SPIRE1: variants seen among roughly 807,000 people sequenced by gnomAD.
SPIRE1 encodes spire type actin nucleation factor 1.
A neutral mutation model predicts 94.1 loss-of-function variants in SPIRE1; 40 were observed. The observed-to-expected ratio is 0.43, with a 90% confidence interval of 0.33 to 0.55. The LOEUF is 0.55. Among genes scored for constraint, SPIRE1 ranks in the 20% least tolerant of loss-of-function variants. SPIRE1 has a pLI of 0.06. For synonymous variants in SPIRE1, 376 were observed against 371.7 expected, an observed-to-expected ratio of 1.01 and a Z score of -0.13; for missense variants, 838 against 975.2, an observed-to-expected ratio of 0.86 and a Z score of 1.87.
chr18:12,587,645 T>G (rs111989618), intron 2 of SPIRE1, among the ~76,000 whole-genome samples: 2,229 of 152,212 alleles, frequency 0.015, 64 homozygotes, highest in African/African-American at 0.051. Context: ...ACTCCACATT[T>G]TTAACAACTC....
intron 16 of SPIRE1, chr18:12,451,072 GAAA>G: frequency 3.3e-5 from 9 of 271,676 alleles, no homozygotes; most frequent in South Asian, 9.8e-5. Context: ...CTGTCCATTT[GAAA>G]AAAAAAAAAG....
intron 2 of SPIRE1, among the ~76,000 whole-genome samples, chr18:12,601,016 C>T (rs1281592011): frequency 6.6e-6 from 1 of 152,150 alleles, no homozygotes; most frequent in Admixed American, 6.5e-5. Flanking sequence ...GCCACTTTGC[C>T]TGGCCCATTA....
intron 12 of SPIRE1, among the ~76,000 whole-genome samples, chr18:12,456,435 C>A (rs1362336810): frequency 6.6e-6 from 1 of 152,176 alleles, no homozygotes; most frequent in Non-Finnish European, 1.5e-5. Flanking sequence ...TATTTTTATT[C>A]ATCAGTGATG....
intron 3 of SPIRE1, among the ~76,000 whole-genome samples, chr18:12,539,863 G>A (rs185733475): frequency 9.8e-4 from 148 of 151,258 alleles, no homozygotes; most frequent in Non-Finnish European, 1.8e-3. Context: ...GGAGGTGGAG[G>A]CTGCAGTGAG....
At chr18:12,449,934 T>C (rs2031144347) in intron 16 of SPIRE1, 38 bp from the exon 17 acceptor site, 1 of 1,588,736 alleles carries the variant, frequency 6.3e-7, no homozygotes, top group Non-Finnish European at 8.6e-7. Flanking sequence ...GCATTGTTAC[T>C]TATAGGTCTG....
chr18:12,532,751 G>A (rs2034720757), intron 4 of SPIRE1, among the ~76,000 whole-genome samples: 1 of 152,222 alleles, frequency 6.6e-6, no homozygotes, highest in South Asian at 2.1e-4. Context: ...ATCATTTCAA[G>A]AAAACCTTAT....
chr18:12,546,572 G>C (rs918121389), intron 3 of SPIRE1, 102 bp downstream of exon 3: 4 of 885,584 alleles, frequency 4.5e-6, no homozygotes, highest in Non-Finnish European at 7.4e-6. Flanking sequence ...CTGCACTCTA[G>C]CCTGGGCGAC....
intron 16 of SPIRE1, chr18:12,450,823 G>A: frequency 2.7e-6 from 2 of 736,644 alleles, no homozygotes; most frequent in Non-Finnish European, 2.5e-6. Flanking sequence ...CAAAAAAGCT[G>A]GGTGAGATGC....
chr18:12,579,155 G>C (rs1204631332), intron 2 of SPIRE1, among the ~76,000 whole-genome samples: 1 of 149,032 alleles, frequency 6.7e-6, no homozygotes, highest in Non-Finnish European at 1.5e-5. Context: ...CTATGAACAA[G>C]ACAGGAATTT....
chr18:12,460,206 CTTG>C (rs2031723225), intron 12 of SPIRE1, among the ~76,000 whole-genome samples: 1 of 152,130 alleles, frequency 6.6e-6, no homozygotes, highest in African/African-American at 2.4e-5. Context: ...CTCAGTGGGG[CTTG>C]TTGTGATGAA....
At chr18:12,476,449 G>A (rs1212793250) in intron 10 of SPIRE1, among the ~76,000 whole-genome samples, 1 of 148,576 alleles carries the variant, frequency 6.7e-6, no homozygotes, top group Non-Finnish European at 1.5e-5. Flanking sequence ...GCTGAGACAG[G>A]AGAATCGCTT....
At chr18:12,524,246 T>C (rs1317656161) in intron 4 of SPIRE1, among the ~76,000 whole-genome samples, 2 of 152,232 alleles carry the variant, frequency 1.3e-5, no homozygotes, top group Admixed American at 6.5e-5. Flanking sequence ...ATAATTGTAA[T>C]GTCTGGTCAA....
At chr18:12,525,116 A>G (rs2034470002) in intron 4 of SPIRE1, among the ~76,000 whole-genome samples, 1 of 151,724 alleles carries the variant, frequency 6.6e-6, no homozygotes, top group Admixed American at 6.6e-5. Context: ...CTCTACTAAA[A>G]ATACAAAAAA....
At chr18:12,560,377 T>C (rs866728562) in intron 2 of SPIRE1, among the ~76,000 whole-genome samples, 1 of 152,202 alleles carries the variant, frequency 6.6e-6, no homozygotes, top group Non-Finnish European at 1.5e-5. Context: ...ATGTGGTACA[T>C]ATATCTAATA....
intron 4 of SPIRE1, among the ~76,000 whole-genome samples, chr18:12,522,782 T>C (rs927423863): frequency 2.6e-5 from 4 of 152,204 alleles, no homozygotes; most frequent in African/African-American, 9.7e-5. Flanking sequence ...AAAGACTGGA[T>C]GGCGGCACAT....
chr18:12,617,219 G>A (rs1423607842), intron 2 of SPIRE1, among the ~76,000 whole-genome samples: 3 of 148,572 alleles, frequency 2.0e-5, no homozygotes, highest in African/African-American at 7.5e-5. Flanking sequence ...GAGTGCAGTG[G>A]TGCGATCTCA....
chr18:12,639,808 G>A (rs1398841593), intron 1 of SPIRE1, among the ~76,000 whole-genome samples: 2 of 151,408 alleles, frequency 1.3e-5, no homozygotes, highest in African/African-American at 4.8e-5. Context: ...CAGGAGGCAG[G>A]CAATGAGCTG....
intron 2 of SPIRE1, among the ~76,000 whole-genome samples, chr18:12,586,122 T>A (rs2036385297): frequency 1.3e-5 from 2 of 152,240 alleles, no homozygotes; most frequent in Middle Eastern, 6.8e-3. Flanking sequence ...TGCTAATTTT[T>A]AAAATTTTTA....
At chr18:12,658,838 C>A (rs2038636169), upstream of SPIRE1, 1 of 322,550 alleles carries the variant, frequency 3.1e-6, no homozygotes, top group African/African-American at 2.2e-5. Context: ...AAAGCTAAAC[C>A]AGCGCCTGGA....
Sources: gnomAD v4.1 joint callset for allele counts (sites outside exome capture counted in the v4.1 genomes callset) on GRCh38, gnomAD v4.1.1 for gene constraint, MANE v1.5 for transcripts, NCBI Gene and HGNC (gene_info 2026-07-23, HGNC 2026-07-21) for gene names.